PTPRN2: variants seen among roughly 807,000 people sequenced by gnomAD.
PTPRN2 encodes receptor-type tyrosine-protein phosphatase N2.
PTPRN2 carries 74 observed loss-of-function variants against 118.8 expected under a neutral mutation model. The ratio of observed to expected loss-of-function variants is 0.62; its 90% CI spans 0.52 to 0.76. The LOEUF (loss-of-function observed/expected upper bound fraction) is 0.76, where lower values mean the gene tolerates loss of function less well. Ranked by LOEUF, PTPRN2 falls within the 30% of genes least tolerant of loss-of-function variation. The probability of loss-of-function intolerance (pLI) is 0.00; values close to 1 mark genes in which losing one functional copy is unlikely to be tolerated. For missense variants in PTPRN2, 1,481 were observed against 1,394.4 expected (o/e 1.06, Z -0.99); for synonymous variants, 641 against 608.0 (o/e 1.05, Z -0.80).
chr7:157,963,208 A>T (rs1801667835), intron 11 of PTPRN2, among the ~76,000 whole-genome samples: 1 of 152,254 alleles, frequency 6.6e-6, no homozygotes, highest in African/African-American at 2.4e-5. Context: ...AGTCAGAGAC[A>T]GTCCCTCCCT....
At chr7:158,467,693 G>C (rs1819493373) in intron 2 of PTPRN2, among the ~76,000 whole-genome samples, 1 of 152,162 alleles carries the variant, frequency 6.6e-6, no homozygotes, top group Non-Finnish European at 1.5e-5. Flanking sequence ...ACCATTTAAA[G>C]AGACGGCTCT....
intron 2 of PTPRN2, among the ~76,000 whole-genome samples, chr7:158,327,303 TCA>T (rs67321979): frequency 0.33 from 49,778 of 148,592 alleles, 9,137 homozygotes; most frequent in Middle Eastern, 0.47. Flanking sequence ...GTACACATTC[TCA>T]CACATACACA....
intron 2 of PTPRN2, among the ~76,000 whole-genome samples, chr7:158,351,285 T>C (rs1215885072): frequency 6.6e-6 from 1 of 152,144 alleles, no homozygotes; most frequent in African/African-American, 2.4e-5. Context: ...CATTGGCCAC[T>C]GCACACTATT....
At chr7:158,217,352 C>A (rs926258063) in intron 3 of PTPRN2, among the ~76,000 whole-genome samples, 17 of 152,190 alleles carry the variant, frequency 1.1e-4, no homozygotes, top group African/African-American at 4.1e-4. Flanking sequence ...CCAAGCTGAA[C>A]CTCGGCCCTA....
chr7:157,728,150 G>A (rs1799701139), intron 12 of PTPRN2, among the ~76,000 whole-genome samples: 1 of 152,192 alleles, frequency 6.6e-6, no homozygotes, highest in Admixed American at 6.5e-5. Context: ...ATGCAGCCCG[G>A]AGGCCTGGGG....
intron 4 of PTPRN2, among the ~76,000 whole-genome samples, chr7:158,196,603 C>T (rs956991436): frequency 6.6e-6 from 1 of 152,202 alleles, no homozygotes; most frequent in African/African-American, 2.4e-5. Context: ...CAAGACCCTG[C>T]ATTTGGACTT....
At chr7:158,423,912 G>C (rs1042594621) in intron 2 of PTPRN2, among the ~76,000 whole-genome samples, 6 of 152,330 alleles carry the variant, frequency 3.9e-5, no homozygotes, top group African/African-American at 1.4e-4. Context: ...GAGTTCTGCT[G>C]TGGTCTGTAG....
At chr7:158,330,838 C>G (rs1281246462) in intron 2 of PTPRN2, among the ~76,000 whole-genome samples, 1 of 100,496 alleles carries the variant, frequency 1.0e-5, no homozygotes, top group African/African-American at 3.4e-5. Context: ...CACTCACATC[C>G]ACATTCTCAC....
intron 11 of PTPRN2, among the ~76,000 whole-genome samples, chr7:157,949,855 T>C (rs1386775980): frequency 6.6e-6 from 1 of 152,210 alleles, no homozygotes; most frequent in Non-Finnish European, 1.5e-5. Context: ...GCACTGATGA[T>C]TCACTTCCTG....
intron 12 of PTPRN2, among the ~76,000 whole-genome samples, chr7:157,683,672 A>T (rs1263555): frequency 6.6e-6 from 1 of 151,848 alleles, no homozygotes; most frequent in East Asian, 1.9e-4. Context: ...TGCTTCTTGG[A>T]GGGCGGGGGT....
chr7:158,071,610 CT>C, intron 11 of PTPRN2, among the ~76,000 whole-genome samples: 1 of 46,556 alleles, frequency 2.1e-5, no homozygotes, highest in Non-Finnish European at 4.4e-5. Context: ...GGTGGAGGTG[CT>C]CGTGGTGGAG....
At chr7:158,220,138 G>A (rs1330062083) in intron 3 of PTPRN2, among the ~76,000 whole-genome samples, 3 of 151,902 alleles carry the variant, frequency 2.0e-5, no homozygotes, top group Admixed American at 6.6e-5. Flanking sequence ...AACAAATTAG[G>A]CATCAAAGGA....
intron 22 of PTPRN2, among the ~76,000 whole-genome samples, chr7:157,545,570 G>A (rs1194697357): frequency 6.6e-6 from 1 of 152,066 alleles, no homozygotes; most frequent in African/African-American, 2.4e-5. Context: ...GTCAAAGCCC[G>A]CACTGCCGTT....
At chr7:157,665,492 C>T (rs1796093204) in intron 13 of PTPRN2, among the ~76,000 whole-genome samples, 3 of 152,232 alleles carry the variant, frequency 2.0e-5, no homozygotes, top group Admixed American at 1.3e-4. Context: ...ACGGAGGCTC[C>T]ATCCCACTGA....
chr7:158,311,058 C>CA (rs1185443118), intron 3 of PTPRN2, among the ~76,000 whole-genome samples: 5 of 152,144 alleles, frequency 3.3e-5, no homozygotes, highest in African/African-American at 9.7e-5. Flanking sequence ...TCCAAGGGCC[C>CA]AGGATGGGAG....
chr7:158,168,058 G>A (rs1215249118), intron 5 of PTPRN2, among the ~76,000 whole-genome samples: 1 of 152,172 alleles, frequency 6.6e-6, no homozygotes, highest in African/African-American at 2.4e-5. Flanking sequence ...ACTGACTGAG[G>A]AACTCCCAAG....
intron 17 of PTPRN2, among the ~76,000 whole-genome samples, chr7:157,586,625 A>G (rs1800688404): frequency 6.6e-6 from 1 of 152,094 alleles, no homozygotes. Context: ...CTGGAGACTC[A>G]GGGCCCCCGC....
chr7:158,213,209 TG>T (rs1827730497), intron 3 of PTPRN2, among the ~76,000 whole-genome samples: 3 of 8,874 alleles, frequency 3.4e-4, no homozygotes, highest in African/African-American at 7.0e-4. Flanking sequence ...TCTGTGCTTG[TG>T]TGTGTGTGTG....
intron 2 of PTPRN2, among the ~76,000 whole-genome samples, chr7:158,444,501 C>T (rs1817593255): frequency 6.6e-6 from 1 of 152,248 alleles, no homozygotes; most frequent in Admixed American, 6.5e-5. Context: ...GGGCAGGAAT[C>T]TCTCTACCAC....
Sources: allele counts gnomAD v4.1 joint callset (sites outside exome capture counted in the v4.1 genomes callset), GRCh38; gene constraint gnomAD v4.1.1; transcripts MANE v1.5; gene names NCBI Gene and HGNC (gene_info 2026-07-23, HGNC 2026-07-21).